Variants in RORB observed in about 807,000 individuals in gnomAD.
RORB encodes the protein RAR related orphan receptor B.
Under a neutral mutation model 59.1 loss-of-function variants are expected in RORB, and 6 were observed. The observed-to-expected ratio is 0.10, with a 90% CI of 0.06 to 0.20. RORB has a LOEUF of 0.20. Ranked by LOEUF, RORB falls within the 10% of genes least tolerant of loss-of-function variation. RORB has a pLI of 1.00. For missense variants in RORB, 320 were observed against 560.5 expected (o/e 0.57, Z 4.33); for synonymous variants, 215 against 204.5 (o/e 1.05, Z -0.44).
At chr9:74,649,181 C>T (rs1219377592) in intron 4 of RORB, among the ~76,000 whole-genome samples, 3 of 151,958 alleles carry the variant, frequency 2.0e-5, no homozygotes, top group African/African-American at 7.3e-5. Context: ...AACTCCTGAC[C>T]TCAGGTAACA....
intron 1 of RORB, among the ~76,000 whole-genome samples, chr9:74,627,959 T>C (rs540087315): frequency 1.2e-4 from 19 of 152,304 alleles, no homozygotes; most frequent in Non-Finnish European, 2.5e-4. Context: ...ATGATGATGA[T>C]AATGAAGACT....
intron 1 of RORB, among the ~76,000 whole-genome samples, chr9:74,571,116 A>G (rs1440353345): frequency 6.6e-6 from 1 of 152,120 alleles, no homozygotes; most frequent in East Asian, 1.9e-4. Context: ...GTTATTGGTG[A>G]CATCGTGTGG....
intron 1 of RORB, among the ~76,000 whole-genome samples, chr9:74,582,374 G>T (rs989159935): frequency 6.6e-6 from 1 of 152,182 alleles, no homozygotes; most frequent in African/African-American, 2.4e-5. Flanking sequence ...TGGGCCAGTG[G>T]AAGATTTCTC....
chr9:74,606,895 A>C (rs1353152898), intron 1 of RORB, among the ~76,000 whole-genome samples: 1 of 152,214 alleles, frequency 6.6e-6, no homozygotes, highest in African/African-American at 2.4e-5. Flanking sequence ...AAAAGCACTA[A>C]TGTTTATAAA....
intron 2 of RORB, 117 bp downstream of exon 2, chr9:74,630,484 G>C: frequency 2.0e-6 from 1 of 489,020 alleles, no homozygotes. Flanking sequence ...GCCTGCTGCT[G>C]ACATTCAGGA....
intron 1 of RORB, among the ~76,000 whole-genome samples, chr9:74,562,852 C>T (rs1822416004): frequency 6.6e-6 from 1 of 152,178 alleles, no homozygotes; most frequent in Non-Finnish European, 1.5e-5. Context: ...CCAGATTTCC[C>T]AATTATTAAC....
chr9:74,630,503 G>T, intron 2 of RORB, 136 bp downstream of exon 2: 3 of 488,190 alleles, frequency 6.1e-6, no homozygotes, highest in Non-Finnish European at 1.1e-5. Context: ...GAATTCTTGC[G>T]TGGTGGGTGG....
At chr9:74,524,928 C>T (rs1389233189) in intron 1 of RORB, among the ~76,000 whole-genome samples, 1 of 151,640 alleles carries the variant, frequency 6.6e-6, no homozygotes, top group Non-Finnish European at 1.5e-5. Flanking sequence ...TAAGGAAAAT[C>T]TTTAGAAAGG....
chr9:74,620,880 C>T (rs1823402971), intron 1 of RORB, among the ~76,000 whole-genome samples: 1 of 152,124 alleles, frequency 6.6e-6, no homozygotes, highest in Non-Finnish European at 1.5e-5. Context: ...TTAAAGTACT[C>T]CTTACTTGTC....
chr9:74,657,484 T>TAA (rs1824103547), intron 4 of RORB, among the ~76,000 whole-genome samples: 1 of 152,158 alleles, frequency 6.6e-6, no homozygotes, highest in African/African-American at 2.4e-5. Flanking sequence ...TACAGCTAGC[T>TAA]TTCTATCTGT....
intron 1 of RORB, 89 bp downstream of exon 1, chr9:74,498,072 A>G: frequency 1.4e-6 from 2 of 1,472,338 alleles, no homozygotes; most frequent in African/African-American, 2.8e-5. Context: ...ACCCAGCAGA[A>G]AGGGAAAGAG....
chr9:74,605,982 T>C (rs777958949), intron 1 of RORB, among the ~76,000 whole-genome samples: 5 of 152,166 alleles, frequency 3.3e-5, no homozygotes, highest in Non-Finnish European at 7.3e-5. Flanking sequence ...CAGGAGGTGG[T>C]ACTGATGCTA....
intron 1 of RORB, among the ~76,000 whole-genome samples, chr9:74,576,598 A>G (rs963887093): frequency 6.6e-6 from 1 of 152,070 alleles, no homozygotes; most frequent in South Asian, 2.1e-4. Flanking sequence ...AAACCTCTGG[A>G]TTTCATTTTG....
At chr9:74,509,757 A>G (rs913252148) in intron 1 of RORB, among the ~76,000 whole-genome samples, 10 of 152,088 alleles carry the variant, frequency 6.6e-5, no homozygotes, top group African/African-American at 2.2e-4. Context: ...AAGGCCTATT[A>G]TCATCCTTCT....
intron 1 of RORB, among the ~76,000 whole-genome samples, chr9:74,612,303 G>A (rs1192281818): frequency 6.6e-6 from 1 of 152,162 alleles, no homozygotes; most frequent in African/African-American, 2.4e-5. Flanking sequence ...GATGGCTCAG[G>A]TGAATGGATG....
chr9:74,634,960 A>T (rs1031267341), intron 3 of RORB, among the ~76,000 whole-genome samples, 188 bp downstream of exon 3: 5 of 152,192 alleles, frequency 3.3e-5, no homozygotes, highest in Admixed American at 6.5e-5. Flanking sequence ...CCTATGAAAT[A>T]AGAAAGCAAA....
chr9:74,519,924 C>A (rs958104137), intron 1 of RORB, among the ~76,000 whole-genome samples: 2 of 151,860 alleles, frequency 1.3e-5, no homozygotes, highest in Non-Finnish European at 1.5e-5. Context: ...AAGAACATCA[C>A]CACGTCCTTC....
At chr9:74,533,614 T>C (rs1410875178) in intron 1 of RORB, among the ~76,000 whole-genome samples, 1 of 152,016 alleles carries the variant, frequency 6.6e-6, no homozygotes, top group Non-Finnish European at 1.5e-5. Context: ...TAGTTTAATC[T>C]GGTTGGGCCT....
At chr9:74,589,124 G>T (rs1165760116) in intron 1 of RORB, among the ~76,000 whole-genome samples, 8 of 152,152 alleles carry the variant, frequency 5.3e-5, no homozygotes, top group African/African-American at 1.9e-4. Context: ...GAAAATAATT[G>T]TCCATGTTTT....
Sources: gnomAD v4.1 joint callset for allele counts (sites outside exome capture counted in the v4.1 genomes callset) on GRCh38, gnomAD v4.1.1 for gene constraint, MANE v1.5 for transcripts, NCBI Gene and HGNC (gene_info 2026-07-23, HGNC 2026-07-21) for gene names.